The following TEAD3 variants were observed in gnomAD, a reference collection of about 807,000 sequenced individuals.
TEAD3 encodes the protein TEA domain transcription factor 3.
TEAD3 carries 15 observed loss-of-function variants against 55.6 expected under a neutral mutation model. The observed-to-expected ratio is 0.27, with a 90% CI of 0.18 to 0.42. The LOEUF is 0.42. TEAD3 is among the 10% of genes least tolerant of loss of function. TEAD3 has a pLI of 1.00. For missense variants in TEAD3, 407 were observed against 576.8 expected, an observed-to-expected ratio of 0.71 and a Z score of 3.01; for synonymous variants, 210 against 232.2, an observed-to-expected ratio of 0.90 and a Z score of 0.87.
chr6:35,480,625 G>A (rs4713872), intron 3 of TEAD3, among the ~76,000 whole-genome samples: 3,474 of 152,242 alleles, frequency 0.023, 54 homozygotes, highest in Middle Eastern at 0.071. Context: ...CATTGTGCCC[G>A]GTTCAGACAC....
Position 35,486,674 on chromosome 6 carries a change from C to A in TEAD3, c.-12G>T. The A allele has an allele frequency of 1.2e-6, 2 of 1,609,740 alleles. No homozygotes were observed. Among genetic ancestry groups the A allele is most frequent in the Non-Finnish European group, 1.7e-6 (2 of 1,178,576 alleles). On this transcript the variant is annotated 5_prime_UTR_variant, in exon 2 of 13. Coordinates refer to ENST00000639578, the Ensembl canonical transcript of TEAD3. This position sits in a 1 kb window ranked among gnomAD's most constrained non-coding sequence, Gnocchi z 7.3. ...CTGTTGGACGCTATTGTGCTGGTTG[C>A]TCTGGGCTCTGGGCCTGAGCCCACT...
At chr6:35,481,455 T>C (rs1446364031) in intron 3 of TEAD3, among the ~76,000 whole-genome samples, 2 of 152,198 alleles carry the variant, frequency 1.3e-5, no homozygotes, top group Admixed American at 6.5e-5. Context: ...AAGTATGTGA[T>C]ACCACCTGGT....
At chr6:35,482,901 G>C (rs1040575551) in intron 3 of TEAD3, among the ~76,000 whole-genome samples, 27 of 152,200 alleles carry the variant, frequency 1.8e-4, no homozygotes, top group African/African-American at 6.5e-4. Flanking sequence ...ACGGCTTTCT[G>C]TTTATAATAA....
intron 1 of TEAD3, among the ~76,000 whole-genome samples, chr6:35,489,008 C>T (rs1429838733): frequency 3.9e-5 from 6 of 152,254 alleles, no homozygotes; most frequent in Non-Finnish European, 7.3e-5. Flanking sequence ...CCGCCAGCCT[C>T]GGCCTCCCAA....
intron 8 of TEAD3, 25 bp from the exon 9 acceptor site, chr6:35,476,460 T>G (rs1047071938): frequency 6.2e-7 from 1 of 1,611,770 alleles, no homozygotes; most frequent in Non-Finnish European, 8.5e-7. Flanking sequence ...CAGATTTTCA[T>G]CTGCATGGAT....
chr6:35,485,075 G>A lies in TEAD3; in HGVS notation c.203-451C>T, dbSNP rs1264477297. On this transcript the variant is annotated intron_variant, in intron 2 of 12. Transcript: ENST00000639578. This position sits in a 1 kb window ranked among gnomAD's most constrained non-coding sequence, Gnocchi z 4.3. ...TCTTAGTGCATGGATTTGTGGGGGC[G>A]TGTGAATGAGCCTGCCCCAGGTGGA... 6.6e-6 allele frequency among the ~76,000 whole-genome samples: 1 copy of A among 152,200 alleles called. No homozygotes were observed. The highest frequency in any genetic ancestry group is 1.5e-5 in the Non-Finnish European group (1 of 68,024).
At position 35,476,444 on chromosome 6, in the gene TEAD3, G is replaced by A. The variant is rs1040062642; in HGVS notation, c.593-9C>T. On this transcript the variant is annotated splice_polypyrimidine_tract_variant and intron_variant, in intron 8 of 12. Coordinates refer to ENST00000639578, the Ensembl canonical transcript of TEAD3. ...GGCCAGGGGCTCATAACCTGGGAGG[G>A]CGAGACAGATTTTCATCTGCATGGA... 4 of 1,612,532 alleles carry A rather than the reference G, an allele frequency of 2.5e-6. No homozygotes were observed. Among genetic ancestry groups the A allele is most frequent in the African/African-American group, 1.3e-5 (1 of 74,912 alleles).
rs1001091589 is a variant in TEAD3, at chr6:35,496,827, C to T, written c.-50+71G>A. ...CAGTCCCCCTCGAGTGTCGCCCCCC[C>T]AGCCAGCCCAGCCGACCAACCAAAC... On this transcript the variant is annotated intron_variant, in intron 1 of 12. Transcript: ENST00000639578. This position sits in a 1 kb window ranked among gnomAD's most constrained non-coding sequence, Gnocchi z 4.8. 5 of 152,356 alleles carry T rather than the reference C, an allele frequency of 3.3e-5. No homozygotes were observed. Among genetic ancestry groups the T allele is most frequent in the Non-Finnish European group, 5.9e-5 (4 of 68,212 alleles). 9.4% of individuals were successfully genotyped at this position (152,356 alleles called of 1,614,324 possible).
At chr6:35,479,435 C>T (rs770536595) in intron 4 of TEAD3, 119 bp from the exon 5 acceptor site, 71 of 1,311,450 alleles carry the variant, frequency 5.4e-5, no homozygotes, top group Middle Eastern at 2.4e-4. Context: ...TCCGAGGAGC[C>T]CAAGGAAGCT....
rs1303870336 is a variant in TEAD3 at position 35,496,946 on chromosome 6, C to T, written c.-98G>A. 6.7e-6 allele frequency: 1 copy of T among 149,990 alleles called. No individual in the cohort carries two copies. The highest frequency in any genetic ancestry group is 2.4e-5 in the African/African-American group (1 of 40,920). The allele number at this position is 149,990 out of a possible 1,614,324, so 9.3% of individuals were successfully genotyped here. A position where few individuals can be genotyped will look rare whatever the true frequency, so the allele number is the denominator to read the frequency against. ...TCCGGCCGGGCCGCTCCGCCGGGCC[C>T]GAGGGAGCCGCAAGGGGGGCCGGGG... On this transcript the variant is annotated 5_prime_UTR_variant, in exon 1 of 13. Transcript: ENST00000639578. This position sits in a 1 kb window ranked among gnomAD's most constrained non-coding sequence, Gnocchi z 4.8.
At chr6:35,494,323 G>A (rs956550653) in intron 1 of TEAD3, among the ~76,000 whole-genome samples, 1 of 152,218 alleles carries the variant, frequency 6.6e-6, no homozygotes, top group African/African-American at 2.4e-5. Context: ...TGTGCAGGGG[G>A]ATGAACCTCT....
intron 3 of TEAD3, among the ~76,000 whole-genome samples, chr6:35,480,988 G>A (rs1768255873): frequency 6.6e-6 from 1 of 151,978 alleles, no homozygotes; most frequent in Admixed American, 6.6e-5. Context: ...GGGTACCACC[G>A]CCTGAGTCCT....
rs1325725198 is a variant in TEAD3, at chr6:35,491,346, A to G, written c.-49-4635T>C. ...AACAAAGACCTAGAAAGAGACACAC[A>G]GCAGAGAGGGGTAGACCAGAAACTC... is the stretch of plus-strand genomic sequence containing the variant. On this transcript the variant is annotated intron_variant, in intron 1 of 12. Transcript: ENST00000639578. This position sits in a 1 kb window ranked among gnomAD's most constrained non-coding sequence, Gnocchi z 4.4. Among the ~76,000 whole-genome samples, 1 of 151,898 alleles carries G rather than the reference A, an allele frequency of 6.6e-6. No homozygotes were observed. The highest frequency in any genetic ancestry group is 1.5e-5 in the Non-Finnish European group (1 of 67,958).
At chr6:35,495,517 A>C (rs1455514100) in intron 1 of TEAD3, among the ~76,000 whole-genome samples, 1 of 152,146 alleles carries the variant, frequency 6.6e-6, no homozygotes, top group Non-Finnish European at 1.5e-5. Context: ...AGTTACCCTT[A>C]CTGGACAGCC....
exon 10 of TEAD3, chr6:35,476,061 T>C: frequency 1.3e-6 from 2 of 1,538,790 alleles, no homozygotes; most frequent in South Asian, 2.5e-5. Flanking sequence ...GGGGTTCGTC[T>C]GGCCGATGTG....
chr6:35,483,781 C>T lies in TEAD3; in HGVS notation c.267+779G>A, dbSNP rs1264985728. Among the ~76,000 whole-genome samples the T allele has an allele frequency of 6.6e-6, 1 of 152,176 alleles. No homozygotes were observed. The highest frequency in any genetic ancestry group is 1.5e-5 in the Non-Finnish European group (1 of 68,024). ...CCCTACCCCAGCAGTCCCCACCCTC[C>T]CTCCACCACATCAGGCTGCCCACAG... is the stretch of plus-strand genomic sequence containing the variant. On this transcript the variant is annotated intron_variant, in intron 3 of 12. Coordinates refer to ENST00000639578, the Ensembl canonical transcript of TEAD3. The surrounding 1 kb of genome is among the most constrained non-coding windows in gnomAD (Gnocchi z 4.5).
chr6:35,497,020 G>A (rs1221941598), exon 1 of TEAD3: 2 of 151,908 alleles, frequency 1.3e-5, no homozygotes, highest in African/African-American at 4.8e-5. Flanking sequence ...GAATGAGCCG[G>A]GCTGGAGCGG....
intron 3 of TEAD3, among the ~76,000 whole-genome samples, chr6:35,481,500 C>T (rs1768266770): frequency 6.6e-6 from 1 of 152,204 alleles, no homozygotes; most frequent in Non-Finnish European, 1.5e-5. Flanking sequence ...CACTGCCTCA[C>T]TGAGCCCAGG....
intron 1 of TEAD3, among the ~76,000 whole-genome samples, chr6:35,492,405 T>C (rs1768544355): frequency 6.6e-6 from 1 of 151,800 alleles, no homozygotes; most frequent in African/African-American, 2.4e-5. Context: ...GTAGCCATGC[T>C]CTGGGGCAGC....
Sources: allele counts gnomAD v4.1 joint callset (sites outside exome capture counted in the v4.1 genomes callset), GRCh38; gene constraint gnomAD v4.1.1; non-coding constraint Gnocchi (gnomAD v3.1); transcripts MANE v1.5; gene names NCBI Gene and HGNC (gene_info 2026-07-23, HGNC 2026-07-21).